XKR4: variants seen among roughly 807,000 people sequenced by gnomAD.
The protein encoded by XKR4 is XK-related protein 4.
Under a neutral mutation model 53.9 loss-of-function variants are expected in XKR4, and 12 were observed. That is an observed-to-expected ratio of 0.22 (90% CI 0.14 to 0.36). The LOEUF is 0.36. Among genes scored for constraint, XKR4 ranks in the 10% least tolerant of loss-of-function variants. The probability of loss-of-function intolerance (pLI) is 1.00; values close to 1 mark genes in which losing one functional copy is unlikely to be tolerated. For synonymous variants in XKR4, 354 were observed against 362.4 expected (o/e 0.98, Z 0.26); for missense variants, 799 against 859.5 (o/e 0.93, Z 0.88).
Position 55,539,394 on chromosome 8 carries a change from G to C in XKR4, c.*15167G>C, listed in dbSNP as rs1003802968. On this transcript the variant is annotated 3_prime_UTR_variant, in exon 3 of 3. Coordinates refer to ENST00000327381, the MANE Select transcript of XKR4 (RefSeq NM_052898.2). Reference sequence around the variant, plus strand: ...TTCAGAAAGTTTACCTTGAGAAGTGGGTTTGAAATCATCTTGTGCTTGGAG... The same window carrying C: ...TTCAGAAAGTTTACCTTGAGAAGTGCGTTTGAAATCATCTTGTGCTTGGAG... 1 of 152,100 alleles carries C rather than the reference G, an allele frequency of 6.6e-6. No individual in the cohort carries two copies. Among genetic ancestry groups the C allele is most frequent in the Non-Finnish European group, 1.5e-5 (1 of 68,020 alleles). The allele number at this position is 152,100 out of a possible 1,614,324, so 9.4% of individuals were successfully genotyped here.
chr8:55,464,973 A>T (rs1321954270), intron 2 of XKR4, among the ~76,000 whole-genome samples: 1 of 151,446 alleles, frequency 6.6e-6, no homozygotes, highest in African/African-American at 2.4e-5. Context: ...ACCACTGCTC[A>T]GTGAAATAAA....
intron 1 of XKR4, chr8:55,142,239 T>C (rs533222213): frequency 6.2e-5 from 28 of 454,594 alleles, no homozygotes; most frequent in African/African-American, 4.2e-4. Flanking sequence ...TGAAACTTGC[T>C]CTTAGACCTC....
intron 1 of XKR4, among the ~76,000 whole-genome samples, chr8:55,106,327 G>T (rs1246968834): frequency 6.6e-6 from 1 of 152,250 alleles, no homozygotes; most frequent in Non-Finnish European, 1.5e-5. Flanking sequence ...ACTGCTAAAA[G>T]CAATGATACA....
At chr8:55,512,043 A>G (rs1806633785) in intron 2 of XKR4, among the ~76,000 whole-genome samples, 1 of 152,208 alleles carries the variant, frequency 6.6e-6, no homozygotes, top group African/African-American at 2.4e-5. Flanking sequence ...AAAGTGCTCT[A>G]ACAGACACAT....
intron 2 of XKR4, chr8:55,452,750 G>A: frequency 3.5e-6 from 3 of 867,282 alleles, no homozygotes; most frequent in Non-Finnish European, 5.9e-6. Flanking sequence ...TGTCCTCAAA[G>A]CCGCTCCCCG....
At chr8:55,292,346 G>A (rs1248865764) in intron 1 of XKR4, among the ~76,000 whole-genome samples, 2 of 151,954 alleles carry the variant, frequency 1.3e-5, no homozygotes, top group East Asian at 1.9e-4. Context: ...AGTTATAGGG[G>A]TATTCAAGTT....
chr8:55,315,640 C>T (rs1486859415), intron 1 of XKR4, among the ~76,000 whole-genome samples: 2 of 152,138 alleles, frequency 1.3e-5, no homozygotes, highest in Admixed American at 1.3e-4. Context: ...GCCTGAGTGA[C>T]AGAGCAAGAC....
chr8:55,177,040 C>T (rs951191200), intron 1 of XKR4, among the ~76,000 whole-genome samples: 1 of 144,024 alleles, frequency 6.9e-6, no homozygotes, highest in African/African-American at 2.5e-5. Context: ...TCTTCTTCTT[C>T]TTTTTTTTTT....
At chr8:55,409,225 G>C (rs1354934755) in intron 2 of XKR4, among the ~76,000 whole-genome samples, 2 of 152,080 alleles carry the variant, frequency 1.3e-5, no homozygotes, top group African/African-American at 4.8e-5. Flanking sequence ...GGCCTGGCAG[G>C]CAGCAAGCAG....
chr8:55,513,397 C>G (rs1806659663), intron 2 of XKR4, among the ~76,000 whole-genome samples: 1 of 152,172 alleles, frequency 6.6e-6, no homozygotes, highest in South Asian at 2.1e-4. Flanking sequence ...ATTTCCATCT[C>G]AGAGGCTTTG....
chr8:55,259,499 G>A (rs2129370899), intron 1 of XKR4, among the ~76,000 whole-genome samples: 1 of 152,250 alleles, frequency 6.6e-6, no homozygotes, highest in African/African-American at 2.4e-5. Flanking sequence ...TGGTGAGGTT[G>A]GGGTTTGCCC....
intron 2 of XKR4, among the ~76,000 whole-genome samples, chr8:55,420,792 A>C (rs1189496405): frequency 1.0e-5 from 1 of 98,984 alleles, no homozygotes; most frequent in Non-Finnish European, 2.2e-5. Context: ...TAATAATAAT[A>C]AATAGATAAA....
chr8:55,296,445 C>T (rs576104899), intron 1 of XKR4, among the ~76,000 whole-genome samples: 2 of 152,242 alleles, frequency 1.3e-5, no homozygotes, highest in South Asian at 4.1e-4. Flanking sequence ...TCATAATTAC[C>T]TGTTAAGATT....
At chr8:55,279,664 A>T (rs1007742368) in intron 1 of XKR4, among the ~76,000 whole-genome samples, 1 of 152,158 alleles carries the variant, frequency 6.6e-6, no homozygotes, top group Non-Finnish European at 1.5e-5. Flanking sequence ...ACCTCTTCCA[A>T]TGCTCGTAGA....
chr8:55,238,104 G>A (rs72651869), intron 1 of XKR4, among the ~76,000 whole-genome samples: 4 of 152,216 alleles, frequency 2.6e-5, no homozygotes, highest in Non-Finnish European at 5.9e-5. Flanking sequence ...TAATTTGTAG[G>A]CAAAGCAACC....
intron 2 of XKR4, among the ~76,000 whole-genome samples, chr8:55,461,104 T>C (rs1805649503): frequency 6.6e-6 from 1 of 152,208 alleles, no homozygotes; most frequent in Admixed American, 6.5e-5. Flanking sequence ...AATGTCCCTG[T>C]CTGACTGCTT....
chr8:55,239,761 T>G (rs183293458), intron 1 of XKR4, among the ~76,000 whole-genome samples: 2 of 152,326 alleles, frequency 1.3e-5, no homozygotes, highest in East Asian at 3.9e-4. Flanking sequence ...TTGACATCCC[T>G]TCTTCAATTA....
In XKR4 at chr8:55,406,258, A is replaced by G. The variant is rs956267363; in HGVS notation, c.1006+48381A>G. On this transcript the variant is annotated intron_variant, in intron 2 of 2. Transcript: ENST00000327381. ...AGTTATTGAAGCCTAAGTGCTCCCT[A>G]GTTGCATCTTTTCTTCCAGCCTTTC... is the stretch of plus-strand genomic sequence containing the variant. 2.0e-5 allele frequency among the ~76,000 whole-genome samples: 3 copies of G among 152,204 alleles called. No individual in the cohort carries two copies. The East Asian group carries it at 5.8e-4, about 29-fold the overall frequency.
At chr8:55,211,424 T>C (rs1817728259) in intron 1 of XKR4, among the ~76,000 whole-genome samples, 3 of 152,228 alleles carry the variant, frequency 2.0e-5, no homozygotes, top group African/African-American at 7.2e-5. Context: ...GAAATACAAC[T>C]TCTTTGACAG....
Sources: gnomAD v4.1 joint callset for allele counts (sites outside exome capture counted in the v4.1 genomes callset) on GRCh38, gnomAD v4.1.1 for gene constraint, MANE v1.5 for transcripts, NCBI Gene and HGNC (gene_info 2026-07-23, HGNC 2026-07-21) for gene names.